Variants in ADGRG7 observed in about 807,000 individuals in gnomAD.
The protein encoded by ADGRG7 is G-protein coupled receptor 128.
Under a neutral mutation model 88.6 loss-of-function variants are expected in ADGRG7, and 82 were observed. The observed-to-expected ratio is 0.93, with a 90% CI of 0.77 to 1.11. The LOEUF (loss-of-function observed/expected upper bound fraction) is 1.11, where lower values mean the gene tolerates loss of function less well. Ranked by LOEUF, ADGRG7 falls within the 50% of genes most tolerant of loss-of-function variation. The pLI is 0.00. For synonymous variants in ADGRG7, 381 were observed against 345.2 expected, an observed-to-expected ratio of 1.10 and a Z score of -1.15; for missense variants, 945 against 953.4, an observed-to-expected ratio of 0.99 and a Z score of 0.12.
chr3:100,682,041 A>G (rs2094974118), intron 15 of ADGRG7, among the ~76,000 whole-genome samples: 2 of 152,212 alleles, frequency 1.3e-5, no homozygotes, highest in South Asian at 4.1e-4. Context: ...GCGGCAGCCC[A>G]TCTGAAGTGG....
intron 14 of ADGRG7, among the ~76,000 whole-genome samples, chr3:100,662,141 C>T (rs1473486547): frequency 6.6e-6 from 1 of 151,968 alleles, no homozygotes; most frequent in Middle Eastern, 3.2e-3. Flanking sequence ...TTAAGTATAC[C>T]TTCCTTAGTA....
chr3:100,626,582 C>T (rs1242806807), intron 1 of ADGRG7, among the ~76,000 whole-genome samples: 2 of 152,072 alleles, frequency 1.3e-5, no homozygotes, highest in South Asian at 2.1e-4. Context: ...GTCAGGAGTT[C>T]GAGACCAGCC....
chr3:100,640,254 G>T (rs1313203473), intron 6 of ADGRG7, among the ~76,000 whole-genome samples: 1 of 152,160 alleles, frequency 6.6e-6, no homozygotes, highest in Non-Finnish European at 1.5e-5. Context: ...CAGATGCTGG[G>T]TTCCCTGACA....
intron 15 of ADGRG7, among the ~76,000 whole-genome samples, chr3:100,685,281 T>G (rs564838288): frequency 1.3e-5 from 2 of 152,226 alleles, no homozygotes; most frequent in Non-Finnish European, 2.9e-5. Flanking sequence ...CCTTTATTCA[T>G]TGACATTCTA....
intron 1 of ADGRG7, among the ~76,000 whole-genome samples, chr3:100,613,362 T>A (rs1233980459): frequency 1.3e-5 from 2 of 152,200 alleles, no homozygotes; most frequent in Non-Finnish European, 2.9e-5. Context: ...TCCTGGAGTA[T>A]ATTTGCATTT....
At chr3:100,684,677 G>A (rs369570452) in intron 15 of ADGRG7, among the ~76,000 whole-genome samples, 7 of 151,590 alleles carry the variant, frequency 4.6e-5, no homozygotes, top group East Asian at 1.9e-4. Context: ...TTCCCTATAC[G>A]TCTATCACTG....
intron 1 of ADGRG7, among the ~76,000 whole-genome samples, chr3:100,622,857 G>C (rs1396753679): frequency 3.3e-5 from 5 of 151,648 alleles, no homozygotes; most frequent in African/African-American, 1.2e-4. Context: ...TGCCTCCCAG[G>C]TTCAAGCCAT....
At position 100,688,121 on chromosome 3, in the gene ADGRG7, G is replaced by A. The variant is rs1427770655; in HGVS notation, c.2137-6623G>A. Among the ~76,000 whole-genome samples the A allele has an allele frequency of 5.9e-5, 9 of 151,974 alleles. 1 individual carries two copies. The highest frequency in any genetic ancestry group is 8.8e-5 in the Non-Finnish European group (6 of 67,980). ...TTAGTCTTGGGAGAGTGTATGTGTC[G>A]AGGAATTTATCCATTTCTTCTAGAT... On this transcript the variant is annotated intron_variant, in intron 15 of 15. Coordinates refer to ENST00000273352, the MANE Select transcript of ADGRG7 (RefSeq NM_032787.3).
intron 1 of ADGRG7, among the ~76,000 whole-genome samples, chr3:100,611,745 C>T (rs1043917359): frequency 6.6e-5 from 10 of 152,220 alleles, no homozygotes; most frequent in Admixed American, 1.3e-4. Flanking sequence ...AGGGTTCTCA[C>T]TGTCATTTAA....
intron 1 of ADGRG7, among the ~76,000 whole-genome samples, chr3:100,614,988 G>T (rs1041958089): frequency 6.6e-6 from 1 of 152,132 alleles, no homozygotes; most frequent in Non-Finnish European, 1.5e-5. Flanking sequence ...TCATACTGAT[G>T]TTATAAAAGA....
chr3:100,675,841 G>T (rs1457105717), intron 15 of ADGRG7, among the ~76,000 whole-genome samples: 8 of 152,046 alleles, frequency 5.3e-5, no homozygotes, highest in African/African-American at 1.9e-4. Context: ...TTGGTAGGTT[G>T]TTTGTGTGTA....
chr3:100,656,942 T>C (rs887712198), intron 13 of ADGRG7, among the ~76,000 whole-genome samples: 58 of 152,148 alleles, frequency 3.8e-4, no homozygotes, highest in African/African-American at 1.4e-3. Flanking sequence ...AATATCTAAT[T>C]AGAGATACCC....
At chr3:100,685,902 G>A (rs1362592317) in intron 15 of ADGRG7, among the ~76,000 whole-genome samples, 9 of 152,052 alleles carry the variant, frequency 5.9e-5, no homozygotes, top group African/African-American at 1.9e-4. Flanking sequence ...TAATGGGATG[G>A]CTGGGTCAAA....
chr3:100,646,952 G>A (rs1707761375), intron 10 of ADGRG7, among the ~76,000 whole-genome samples: 1 of 152,192 alleles, frequency 6.6e-6, no homozygotes, highest in South Asian at 2.1e-4. Context: ...GAGGTCAGGA[G>A]TTCGAGACCA....
chr3:100,682,817 T>A (rs1192663692), intron 15 of ADGRG7, among the ~76,000 whole-genome samples: 1 of 152,152 alleles, frequency 6.6e-6, no homozygotes, highest in East Asian at 1.9e-4. Context: ...CTCTTCTCAG[T>A]TGGCCGGGTG....
Position 100,695,235 on chromosome 3 carries a change from A to T in ADGRG7, c.*234A>T. 1 of 478,150 alleles carries T rather than the reference A, an allele frequency of 2.1e-6. No homozygotes were observed. 29.6% of individuals were successfully genotyped at this position (478,150 alleles called of 1,614,324 possible). The stretch of plus-strand genomic sequence containing the variant: ...TGAAGAATTTCACACAACATACAAG[A>T]GTACCATTGTTCCTTATATCGTTAA... On this transcript the variant is annotated 3_prime_UTR_variant, in exon 16 of 16. Transcript: ENST00000273352.
intron 5 of ADGRG7, 94 bp from the exon 6 acceptor site, chr3:100,637,208 G>A (rs1707559009): frequency 2.4e-6 from 2 of 826,414 alleles, no homozygotes; most frequent in African/African-American, 1.7e-5. Context: ...TATCAGTGAT[G>A]CCACTTGCTA....
At chr3:100,686,737 C>T (rs1288347709) in intron 15 of ADGRG7, among the ~76,000 whole-genome samples, 2 of 152,148 alleles carry the variant, frequency 1.3e-5, no homozygotes, top group African/African-American at 2.4e-5. Flanking sequence ...TGGTCTATAT[C>T]TCTGTTTTGG....
rs763621462 is a variant in ADGRG7, at chr3:100,646,078, T to A, written c.1080T>A (p.Ser360Arg). ...SKTDENEQDQ[S>R]ASVDMVFSPK... ...CTGATGAAAATGAGCAAGATCAGAG[T>A]GCTTCTGTTGACATGGTCTTTAGTC... Residue 360 changes from serine (S) to arginine (R), a missense_variant, in exon 9 of 16, where the codon AGT becomes AGA. Transcript: ENST00000273352. 3 of 1,613,612 alleles carry A rather than the reference T, an allele frequency of 1.9e-6. No individual in the cohort carries two copies. Among genetic ancestry groups the A allele is most frequent in the African/African-American group, 2.7e-5 (2 of 74,834 alleles).
Sources: gnomAD v4.1 joint callset for allele counts (sites outside exome capture counted in the v4.1 genomes callset) on GRCh38, gnomAD v4.1.1 for gene constraint, MANE v1.5 for transcripts, NCBI Gene and HGNC (gene_info 2026-07-23, HGNC 2026-07-21) for gene names.